Variants in LRP1B observed in about 807,000 individuals in gnomAD.
LRP1B encodes the protein LDL receptor related protein 1B.
LRP1B carries 217 observed loss-of-function variants against 556.6 expected under a neutral mutation model. The observed-to-expected ratio is 0.39, with a 90% CI of 0.35 to 0.44. LRP1B has a LOEUF of 0.44. LRP1B is among the 20% of genes least tolerant of loss of function. LRP1B has a pLI of 1.00. For synonymous variants in LRP1B, 2,047 were observed against 1,865.8 expected, an observed-to-expected ratio of 1.10 and a Z score of -2.50; for missense variants, 5,053 against 5,620.8, an observed-to-expected ratio of 0.90 and a Z score of 3.23.
In LRP1B at chr2:140,352,988, T is replaced by G; in HGVS notation, c.11615A>C (p.Asn3872Thr). ...GCAGGTGTTATTTCTTTCTTGAAAA[T>G]TCTGGTCACACACACATTTATATGA... is the stretch of plus-strand genomic sequence containing the variant. ...EGSYKCVCDQ[N>T]FQERNNTCIA... Residue 3872 changes from asparagine (N) to threonine (T), a missense_variant, in exon 76 of 91, where the codon AAT becomes ACT. Coordinates refer to ENST00000389484, the MANE Select transcript of LRP1B (RefSeq NM_018557.3). 1 of 1,612,928 alleles carries G rather than the reference T, an allele frequency of 6.2e-7. No individual in the cohort carries two copies. The highest frequency in any genetic ancestry group is 8.5e-7 in the Non-Finnish European group (1 of 1,179,364).
intron 3 of LRP1B, among the ~76,000 whole-genome samples, chr2:141,288,834 A>G (rs1301931138): frequency 6.6e-6 from 1 of 152,160 alleles, no homozygotes; most frequent in Admixed American, 6.5e-5. Flanking sequence ...ACTTCCCTTC[A>G]TATTTCCTCA....
intron 59 of LRP1B, among the ~76,000 whole-genome samples, chr2:140,484,731 C>A (rs1320810449): frequency 6.6e-6 from 1 of 152,132 alleles, no homozygotes; most frequent in Admixed American, 6.6e-5. Context: ...AGCTTTGACA[C>A]CTTCAGATGT....
At chr2:141,530,060 G>A (rs111534052) in intron 2 of LRP1B, among the ~76,000 whole-genome samples, 53 of 152,192 alleles carry the variant, frequency 3.5e-4, no homozygotes, top group African/African-American at 1.1e-3. Context: ...ATAAAGCATT[G>A]TCATTCTAAT....
intron 41 of LRP1B, among the ~76,000 whole-genome samples, chr2:140,638,530 C>A (rs1684157022): frequency 6.6e-6 from 1 of 152,076 alleles, no homozygotes; most frequent in Non-Finnish European, 1.5e-5. Flanking sequence ...ATATTCCTAG[C>A]AACTAACTCT....
At chr2:141,519,837 T>A (rs1469175552) in intron 2 of LRP1B, among the ~76,000 whole-genome samples, 2 of 152,124 alleles carry the variant, frequency 1.3e-5, no homozygotes, top group African/African-American at 4.8e-5. Flanking sequence ...AGAAATAGGA[T>A]CAGCAGTGGA....
At chr2:141,331,541 T>TTTC (rs1553497573) in intron 3 of LRP1B, among the ~76,000 whole-genome samples, 1,702 of 144,730 alleles carry the variant, frequency 0.012, 70 homozygotes, top group African/African-American at 0.043. Context: ...TCTTTCTTTC[T>TTTC]TTCTTTCTTT....
At chr2:141,314,641 A>G (rs1346089992) in intron 3 of LRP1B, among the ~76,000 whole-genome samples, 1 of 150,714 alleles carries the variant, frequency 6.6e-6, no homozygotes, top group African/African-American at 2.4e-5. Flanking sequence ...AATAGAAAAA[A>G]TTAGCCGGGC....
intron 2 of LRP1B, among the ~76,000 whole-genome samples, chr2:141,523,231 A>G (rs1684585555): frequency 2.6e-5 from 4 of 152,168 alleles, no homozygotes; most frequent in Admixed American, 2.6e-4. Flanking sequence ...AGATTAGTAC[A>G]TTTTAATATG....
rs140995551 is a variant in LRP1B, at chr2:141,990,396, C to T, written c.82+140252G>A. ...TCTACATTGGAATTAAATCAGCTAT[C>T]CATTTTTAAAATTTTAATTTATAGC... On this transcript the variant is annotated intron_variant, in intron 1 of 90. Transcript: ENST00000389484. Among the ~76,000 whole-genome samples, 664 of 152,090 alleles carry T rather than the reference C, an allele frequency of 4.4e-3. 4 individuals carry two copies. Among genetic ancestry groups the T allele is most frequent in the African/African-American group, 0.014 (583 of 41,520 alleles).
At chr2:141,308,330 T>G (rs1686677937) in intron 3 of LRP1B, among the ~76,000 whole-genome samples, 1 of 152,148 alleles carries the variant, frequency 6.6e-6, no homozygotes, top group African/African-American at 2.4e-5. Context: ...TTCAAACCCA[T>G]CCCTGGATTT....
chr2:141,110,686 G>C (rs1213469377), intron 7 of LRP1B, among the ~76,000 whole-genome samples: 1 of 151,508 alleles, frequency 6.6e-6, no homozygotes, highest in African/African-American at 2.4e-5. Context: ...TCTTGTTCAT[G>C]GCCCTAAAAC....
chr2:140,801,582 ATTTTTT>A (rs10545209), intron 32 of LRP1B, among the ~76,000 whole-genome samples: 30 of 147,126 alleles, frequency 2.0e-4, no homozygotes, highest in African/African-American at 7.3e-4. Context: ...AATCTTACTA[ATTTTTT>A]TTTTTTTTTT....
intron 1 of LRP1B, among the ~76,000 whole-genome samples, chr2:142,049,032 C>A (rs1005137822): frequency 6.6e-6 from 1 of 151,998 alleles, no homozygotes; most frequent in Non-Finnish European, 1.5e-5. Flanking sequence ...ACAATTTTAA[C>A]TGCATTTTAA....
At chr2:141,042,008 G>A (rs2105433435) in intron 11 of LRP1B, among the ~76,000 whole-genome samples, 1 of 152,132 alleles carries the variant, frequency 6.6e-6, no homozygotes, top group Middle Eastern at 3.4e-3. Context: ...GATATTATTT[G>A]GAGGGCATTG....
At chr2:141,203,397 T>C (rs1682128917) in intron 6 of LRP1B, among the ~76,000 whole-genome samples, 1 of 150,552 alleles carries the variant, frequency 6.6e-6, no homozygotes, top group Admixed American at 6.6e-5. Flanking sequence ...TCCTAATCTG[T>C]GATAAAACAG....
rs745838555 is a variant in LRP1B, at chr2:140,514,692, C to T, written c.8230G>A (p.Asp2744Asn). ...SKHWICDGED[D>N]CGDGLDESDS... Reference sequence around the variant, plus strand: ...CTTTCATCTAACCCATCCCCACAGTCATCTTCTCCATCACAAATCCAATGC... The same window carrying T: ...CTTTCATCTAACCCATCCCCACAGTTATCTTCTCCATCACAAATCCAATGC... Residue 2744 changes from aspartate to asparagine, a missense_variant, in exon 51 of 91, where the codon GAC becomes AAC. This residue lies in a region of LRP1B where 3,619 missense variants were observed against 3,931.9 expected (regional missense o/e 0.92). Transcript: ENST00000389484. 3.1e-6 allele frequency: 5 copies of T among 1,612,570 alleles called. No homozygotes were observed. The highest frequency in any genetic ancestry group is 4.2e-6 in the Non-Finnish European group (5 of 1,178,952).
chr2:141,270,704 T>C (rs1269467874), intron 3 of LRP1B, among the ~76,000 whole-genome samples: 1 of 152,106 alleles, frequency 6.6e-6, no homozygotes, highest in African/African-American at 2.4e-5. Context: ...ACATATTGTA[T>C]GATTCTATTT....
At chr2:142,098,486 TAATTC>T (rs1261317165) in intron 1 of LRP1B, among the ~76,000 whole-genome samples, 2 of 151,726 alleles carry the variant, frequency 1.3e-5, no homozygotes, top group African/African-American at 4.8e-5. Flanking sequence ...AATGGCTCTT[TAATTC>T]GTTTTCGAAT....
At chr2:141,017,078 A>T (rs747088795) in intron 12 of LRP1B, among the ~76,000 whole-genome samples, 44 of 152,060 alleles carry the variant, frequency 2.9e-4, no homozygotes, top group Non-Finnish European at 5.6e-4. Flanking sequence ...AACTATATTG[A>T]GACTGTTGAA....
Sources: gnomAD v4.1 joint callset for allele counts (sites outside exome capture counted in the v4.1 genomes callset) on GRCh38, gnomAD v4.1.1 for gene constraint, gnomAD v4.1.1 regional missense constraint, MANE v1.5 for transcripts, NCBI Gene and HGNC (gene_info 2026-07-23, HGNC 2026-07-21) for gene names.